Variants in CSNK2A2IP observed in about 807,000 individuals in gnomAD.
CSNK2A2IP encodes casein kinase II subunit alpha'-interacting protein.
chr3:88,400,328 C>T, the CSNK2A2IP span, among the ~76,000 whole-genome samples: 1 of 152,022 alleles, frequency 6.6e-6, no homozygotes, highest in Non-Finnish European at 1.5e-5. Context: ...TTAGTTTGAG[C>T]CACCCACTAC....
the CSNK2A2IP span, among the ~76,000 whole-genome samples, chr3:88,360,316 G>A: frequency 6.6e-6 from 1 of 151,798 alleles, no homozygotes; most frequent in Non-Finnish European, 1.5e-5. Flanking sequence ...TGTATTTTTA[G>A]TAGAGACGGG....
chr3:88,387,825 A>C, the CSNK2A2IP span, among the ~76,000 whole-genome samples: 1 of 152,128 alleles, frequency 6.6e-6, no homozygotes. Context: ...TCCTGAGCCC[A>C]AGGGATCCTT....
the CSNK2A2IP span, among the ~76,000 whole-genome samples, chr3:88,423,784 A>T: frequency 0.37 from 55,054 of 147,782 alleles, 11,260 homozygotes; most frequent in Non-Finnish European, 0.47. Flanking sequence ...AGAATGTAGA[A>T]GAGTAGCATC....
chr3:88,348,189 ATT>A, the CSNK2A2IP span, among the ~76,000 whole-genome samples: 66,383 of 150,916 alleles, frequency 0.44, 15,773 homozygotes, highest in South Asian at 0.62. Context: ...AGACAGAATG[ATT>A]TTTTTTTTAT....
the CSNK2A2IP span, among the ~76,000 whole-genome samples, chr3:88,460,240 A>G: frequency 1.3e-5 from 2 of 152,138 alleles, no homozygotes; most frequent in African/African-American, 4.8e-5. Flanking sequence ...ATCTGTATGT[A>G]ATATTTACAT....
At chr3:88,377,189 G>T in the CSNK2A2IP span, among the ~76,000 whole-genome samples, 2 of 151,690 alleles carry the variant, frequency 1.3e-5, no homozygotes, top group Admixed American at 6.6e-5. Flanking sequence ...TTAACCTGAA[G>T]TCCTTAACCT....
the CSNK2A2IP span, among the ~76,000 whole-genome samples, chr3:88,431,661 T>C: frequency 2.6e-5 from 4 of 152,112 alleles, no homozygotes; most frequent in African/African-American, 7.2e-5. Flanking sequence ...GGTTTTAAAA[T>C]AAAGTTAGAA....
At chr3:88,392,311 A>G in the CSNK2A2IP span, among the ~76,000 whole-genome samples, 102 of 152,290 alleles carry the variant, frequency 6.7e-4, 1 homozygote, top group African/African-American at 2.4e-3. Context: ...TTCAGGAGAT[A>G]TATGTGGTCT....
At chr3:88,358,197 A>C in the CSNK2A2IP span, among the ~76,000 whole-genome samples, 1 of 152,240 alleles carries the variant, frequency 6.6e-6, no homozygotes, top group East Asian at 1.9e-4. Context: ...GTATCTTTGA[A>C]CTTTACTGAA....
the CSNK2A2IP span, among the ~76,000 whole-genome samples, chr3:88,361,953 T>A: frequency 1.3e-5 from 2 of 152,090 alleles, no homozygotes; most frequent in African/African-American, 4.8e-5. Flanking sequence ...ATTATTTCAA[T>A]CTCTGTTTTA....
chr3:88,441,872 G>A, the CSNK2A2IP span, among the ~76,000 whole-genome samples: 2 of 152,132 alleles, frequency 1.3e-5, no homozygotes, highest in Non-Finnish European at 2.9e-5. Flanking sequence ...TCCAGCTAGA[G>A]ATTTTCTTCT....
At chr3:88,365,727 T>C in the CSNK2A2IP span, among the ~76,000 whole-genome samples, 4 of 152,088 alleles carry the variant, frequency 2.6e-5, no homozygotes, top group African/African-American at 9.7e-5. Flanking sequence ...TCCAATACCT[T>C]CTAGGTATAG....
the CSNK2A2IP span, among the ~76,000 whole-genome samples, chr3:88,443,224 A>T: frequency 1.3e-5 from 2 of 152,178 alleles, no homozygotes; most frequent in African/African-American, 4.8e-5. Flanking sequence ...TTGTAAACAT[A>T]TTGTTTATAT....
chr3:88,392,947 G>A, the CSNK2A2IP span, among the ~76,000 whole-genome samples: 1 of 152,062 alleles, frequency 6.6e-6, no homozygotes, highest in African/African-American at 2.4e-5. Flanking sequence ...AATAGCACAA[G>A]GTTTAGGGAA....
At chr3:88,366,073 T>C in the CSNK2A2IP span, among the ~76,000 whole-genome samples, 25 of 146,580 alleles carry the variant, frequency 1.7e-4, no homozygotes, top group Middle Eastern at 6.5e-3. Context: ...TGTCCAAACG[T>C]TACTGCATTT....
chr3:88,391,198 T>A, the CSNK2A2IP span, among the ~76,000 whole-genome samples: 1 of 152,218 alleles, frequency 6.6e-6, no homozygotes, highest in Non-Finnish European at 1.5e-5. Context: ...GTAGATACCC[T>A]GATATTAATA....
chr3:88,420,829 C>A, the CSNK2A2IP span, among the ~76,000 whole-genome samples: 1 of 152,130 alleles, frequency 6.6e-6, no homozygotes, highest in Non-Finnish European at 1.5e-5. Context: ...ATGAATCATG[C>A]TGGTTTGGTC....
the CSNK2A2IP span, among the ~76,000 whole-genome samples, chr3:88,408,076 C>T: frequency 7.2e-5 from 11 of 152,072 alleles, no homozygotes; most frequent in African/African-American, 2.7e-4. Flanking sequence ...TACAATAAAG[C>T]AGTATATTCA....
the CSNK2A2IP span, among the ~76,000 whole-genome samples, chr3:88,447,842 T>C: frequency 6.6e-6 from 1 of 152,140 alleles, no homozygotes; most frequent in Non-Finnish European, 1.5e-5. Context: ...CTATGTTTCA[T>C]AGAACAAAAA....
Sources: gnomAD v4.1 joint callset for allele counts (sites outside exome capture counted in the v4.1 genomes callset) on GRCh38, gnomAD v4.1.1 for gene constraint, MANE v1.5 for transcripts, NCBI Gene and HGNC (gene_info 2026-07-23, HGNC 2026-07-21) for gene names.